ZNF652: variants seen among roughly 807,000 people sequenced by gnomAD.
ZNF652 encodes zinc finger protein 652.
A neutral mutation model predicts 45.2 loss-of-function variants in ZNF652; 16 were observed. The observed-to-expected ratio is 0.35, with a 90% CI of 0.24 to 0.54. The LOEUF (loss-of-function observed/expected upper bound fraction) is 0.54, where lower values mean the gene tolerates loss of function less well. Among genes scored for constraint, ZNF652 ranks in the 20% least tolerant of loss-of-function variants. The probability of loss-of-function intolerance (pLI) is 0.91; values close to 1 mark genes in which losing one functional copy is unlikely to be tolerated. For missense variants in ZNF652, 614 were observed against 765.6 expected (o/e 0.80, Z 2.34); for synonymous variants, 250 against 260.6 (o/e 0.96, Z 0.39).
In ZNF652 at chr17:49,317,814, T is replaced by C. The variant is rs1363735278; in HGVS notation, c.-89A>G. 6.1e-6 allele frequency: 8 copies of C among 1,305,628 alleles called. No homozygotes were observed. In the East Asian group the frequency reaches 1.2e-4, roughly 20 times the overall value. The allele number at this position is 1,305,628 out of a possible 1,614,324, so 80.9% of individuals were successfully genotyped here. On this transcript the variant is annotated 5_prime_UTR_variant, in exon 2 of 6. It removes an upstream start codon present in the reference 5' UTR. Coordinates refer to ENST00000430262, the MANE Select transcript of ZNF652 (RefSeq NM_001145365.3). Reference sequence around the variant, plus strand: ...TTATTAAGACTCAAATCTTTTCTCATCCACAAAGAATCACTCAAATGAAAA... The same window carrying C: ...TTATTAAGACTCAAATCTTTTCTCACCCACAAAGAATCACTCAAATGAAAA...
chr17:49,293,131 AATAC>A lies in ZNF652; in HGVS notation c.*5278_*5281del, dbSNP rs2069425214. On this transcript the variant is annotated 3_prime_UTR_variant, in exon 6 of 6. Transcript: ENST00000430262. ...TGTGACCATACATATATTATTGAGT[AATAC>A]ATAGAGTAACAAAGCAGAAAGAAAG... is the stretch of plus-strand genomic sequence containing the variant. 1.3e-5 allele frequency among the ~76,000 whole-genome samples: 2 copies of A among 152,228 alleles called. No homozygotes were observed. Among genetic ancestry groups the A allele is most frequent in the South Asian group, 4.1e-4 (2 of 4,826 alleles).
intron 5 of ZNF652, among the ~76,000 whole-genome samples, chr17:49,307,278 A>G (rs902500401): frequency 6.6e-6 from 1 of 151,148 alleles, no homozygotes; most frequent in African/African-American, 2.4e-5. Context: ...CTAAAAATAA[A>G]AATTTAGCTA....
At chr17:49,358,219 G>A (rs1260652242) in intron 1 of ZNF652, among the ~76,000 whole-genome samples, 4 of 152,110 alleles carry the variant, frequency 2.6e-5, no homozygotes, top group African/African-American at 4.8e-5. Context: ...GTTTTAAATC[G>A]AGTTATGCCT....
intron 5 of ZNF652, among the ~76,000 whole-genome samples, chr17:49,308,036 T>C (rs2069656926): frequency 6.6e-6 from 1 of 152,202 alleles, no homozygotes; most frequent in Admixed American, 6.5e-5. Context: ...TATTGGTCTA[T>C]ATGTGTGTTA....
intron 1 of ZNF652, among the ~76,000 whole-genome samples, chr17:49,360,037 T>A (rs917979656): frequency 6.6e-5 from 10 of 152,194 alleles, no homozygotes; most frequent in Non-Finnish European, 1.3e-4. Flanking sequence ...GCCAGGAACA[T>A]ACATTACCAA....
chr17:49,302,521 C>T (rs972115041), intron 5 of ZNF652, among the ~76,000 whole-genome samples: 1 of 151,798 alleles, frequency 6.6e-6, no homozygotes, highest in Non-Finnish European at 1.5e-5. Flanking sequence ...ATCTCCTGAC[C>T]TTGTAATCTG....
rs1422030809 is a variant in ZNF652, at chr17:49,296,545, G to A, written c.*1868C>T. On this transcript the variant is annotated 3_prime_UTR_variant, in exon 6 of 6. Transcript: ENST00000430262. The stretch of plus-strand genomic sequence containing the variant: ...ATTCAGGCAAAGATTTTAAGAAACC[G>A]AAGAAAGAAAAATGAAGAAATTTCA... 6.6e-6 allele frequency: 1 copy of A among 152,412 alleles called. No homozygotes were observed. Among genetic ancestry groups the A allele is most frequent in the Middle Eastern group, 3.4e-3 (1 of 294 alleles). 9.4% of individuals were successfully genotyped at this position (152,412 alleles called of 1,614,324 possible). A position where few individuals can be genotyped will look rare whatever the true frequency, so the allele number is the denominator to read the frequency against.
At chr17:49,313,973 CAAAAAAAAAAAAAAAAAAAAAAAAA>C (rs71144595) in intron 2 of ZNF652, among the ~76,000 whole-genome samples, 23 of 22,872 alleles carry the variant, frequency 1.0e-3, no homozygotes, top group East Asian at 2.9e-3. Context: ...AACTCCATCT[CAAAAAAAAAAAAAAAAAAAAAAAAA>C]AAAAAAAAAA....
chr17:49,315,083 C>A (rs1255334560), intron 2 of ZNF652, among the ~76,000 whole-genome samples: 1 of 146,516 alleles, frequency 6.8e-6, no homozygotes, highest in Non-Finnish European at 1.5e-5. Context: ...CTCTTCTTGC[C>A]CAGGCTGGAG....
At chr17:49,326,002 G>A (rs563799735) in intron 1 of ZNF652, among the ~76,000 whole-genome samples, 13 of 152,154 alleles carry the variant, frequency 8.5e-5, no homozygotes, top group South Asian at 4.2e-4. Context: ...TTTAGTGCAC[G>A]ATTTTGCAGA....
intron 1 of ZNF652, among the ~76,000 whole-genome samples, chr17:49,332,363 G>A (rs537570996): frequency 6.6e-6 from 1 of 152,314 alleles, no homozygotes; most frequent in Admixed American, 6.5e-5. Context: ...AAACCAGGTA[G>A]GAAGTTTTAA....
At chr17:49,315,748 G>A (rs2069794289) in intron 2 of ZNF652, among the ~76,000 whole-genome samples, 1 of 152,182 alleles carries the variant, frequency 6.6e-6, no homozygotes, top group South Asian at 2.1e-4. Context: ...TGGGCTCCAT[G>A]ACTCAGTCTT....
Position 49,293,549 on chromosome 17 carries a change from C to A in ZNF652, c.*4864G>T, listed in dbSNP as rs1055405730. 2.0e-5 allele frequency among the ~76,000 whole-genome samples: 3 copies of A among 148,478 alleles called. No homozygotes were observed. The highest frequency in any genetic ancestry group is 4.4e-5 in the Non-Finnish European group (3 of 67,510). Reference sequence around the variant, plus strand: ...GAGGTAGTGTCCAGGGTTGGAAGGTCATCATTCTTTATTGTAAGTGCTACA... The same window carrying A: ...GAGGTAGTGTCCAGGGTTGGAAGGTAATCATTCTTTATTGTAAGTGCTACA... On this transcript the variant is annotated 3_prime_UTR_variant, in exon 6 of 6. Coordinates refer to ENST00000430262, the MANE Select transcript of ZNF652 (RefSeq NM_001145365.3).
At position 49,295,965 on chromosome 17, in the gene ZNF652, A is replaced by C. The variant is rs1010845679; in HGVS notation, c.*2448T>G. The C allele has an allele frequency of 1.3e-4, 18 of 135,694 alleles. No individual in the cohort carries two copies. Among genetic ancestry groups the C allele is most frequent in the Admixed American group, 2.3e-4 (3 of 12,866 alleles). The allele number at this position is 135,694 out of a possible 1,614,324, so 8.4% of individuals were successfully genotyped here. The stretch of plus-strand genomic sequence containing the variant: ...AAAAAAAAAAAAAAAAAAAAAAAAA[A>C]CAGAACAAAATATAACCAATTAACT... On this transcript the variant is annotated 3_prime_UTR_variant, in exon 6 of 6. Coordinates refer to ENST00000430262, the MANE Select transcript of ZNF652 (RefSeq NM_001145365.3).
chr17:49,330,351 G>C (rs1361258245), intron 1 of ZNF652, among the ~76,000 whole-genome samples: 1 of 152,136 alleles, frequency 6.6e-6, no homozygotes, highest in East Asian at 1.9e-4. Context: ...GGAGTGCAGT[G>C]GCATGATCTC....
At position 49,312,027 on chromosome 17, in the gene ZNF652, A is replaced by G; in HGVS notation, c.1064T>C (p.Met355Thr). Residue 355 changes from methionine to threonine, a missense_variant, in exon 4 of 6, where the codon ATG becomes ACG. Met to Thr is a moderately conservative substitution (Grantham distance 81, BLOSUM62 -1). This residue lies in a region of ZNF652 where 262 missense variants were observed against 306.3 expected (regional missense o/e 0.86). Coordinates refer to ENST00000430262, the MANE Select transcript of ZNF652 (RefSeq NM_001145365.3). ...TCCACAGGTTTCGCATGTAAATGGC[A>G]TGTCTTTTGTGTGTGCTGCAACACA... is the stretch of plus-strand genomic sequence containing the variant. ...RKHMVAHTKD[M>T]PFTCETCGKS... The G allele has an allele frequency of 6.2e-7, 1 of 1,613,694 alleles. No individual in the cohort carries two copies. Among genetic ancestry groups the G allele is most frequent in the Non-Finnish European group, 8.5e-7 (1 of 1,179,648 alleles).
At chr17:49,356,828 T>C (rs914707256) in intron 1 of ZNF652, among the ~76,000 whole-genome samples, 3 of 152,196 alleles carry the variant, frequency 2.0e-5, no homozygotes, top group African/African-American at 7.2e-5. Context: ...GTAACTCTTG[T>C]GGGCTCACAG....
chr17:49,316,748 C>A, intron 2 of ZNF652, 78 bp downstream of exon 2: 2 of 1,436,222 alleles, frequency 1.4e-6, no homozygotes, highest in South Asian at 1.3e-5. Flanking sequence ...TGCATTTATT[C>A]TCTTGGGCGG....
At chr17:49,351,014 T>TATATAC (rs2070273379) in intron 1 of ZNF652, among the ~76,000 whole-genome samples, 27 of 29,626 alleles carry the variant, frequency 9.1e-4, no homozygotes, top group South Asian at 1.8e-3. Flanking sequence ...TATATATATA[T>TATATAC]ACACACACAC....
Sources: gnomAD v4.1 joint callset for allele counts (sites outside exome capture counted in the v4.1 genomes callset) on GRCh38, gnomAD v4.1.1 for gene constraint, gnomAD v4.1.1 regional missense constraint, MANE v1.5 for transcripts, NCBI Gene and HGNC (gene_info 2026-07-23, HGNC 2026-07-21) for gene names.